Variants in ANXA4 observed in about 807,000 individuals in gnomAD.
The protein encoded by ANXA4 is annexin A4.
ANXA4 carries 39 observed loss-of-function variants against 49.8 expected under a neutral mutation model. That is an observed-to-expected ratio of 0.78 (90% CI 0.61 to 1.02). ANXA4 has a LOEUF of 1.02. ANXA4 is among the 50% of genes least tolerant of loss of function. The probability of loss-of-function intolerance (pLI) is 0.00; values close to 1 mark genes in which losing one functional copy is unlikely to be tolerated. For synonymous variants in ANXA4, 134 were observed against 152.5 expected (o/e 0.88, Z 0.89); for missense variants, 360 against 410.1 (o/e 0.88, Z 1.05).
intron 1 of ANXA4, among the ~76,000 whole-genome samples, chr2:69,775,290 T>G (rs963268662): frequency 5.3e-5 from 8 of 152,250 alleles, no homozygotes; most frequent in Non-Finnish European, 1.2e-4. Context: ...CCCAGCACTC[T>G]CTTTTAATTT....
intron 5 of ANXA4, among the ~76,000 whole-genome samples, chr2:69,807,267 A>G (rs1449247693): frequency 2.0e-5 from 3 of 152,150 alleles, no homozygotes; most frequent in Non-Finnish European, 2.9e-5. Flanking sequence ...CTTTTGAGAT[A>G]TGTAACTTTA....
chr2:69,757,266 A>ATATATATATT (rs1424932911), intron 1 of ANXA4, among the ~76,000 whole-genome samples: 1 of 27,644 alleles, frequency 3.6e-5, no homozygotes, highest in Non-Finnish European at 6.7e-5. Flanking sequence ...ATATATATAT[A>ATATATATATT]TTTTTTTTTT....
rs1673766568 is a variant in ANXA4, at chr2:69,812,809, G to A, written c.534+100G>A. 9 of 1,026,100 alleles carry A rather than the reference G, an allele frequency of 8.8e-6. No individual in the cohort carries two copies. In the South Asian group the frequency reaches 1.3e-4, roughly 14 times the overall value. 63.6% of individuals were successfully genotyped at this position (1,026,100 alleles called of 1,614,324 possible). A position where few individuals can be genotyped will look rare whatever the true frequency, so the allele number is the denominator to read the frequency against. On this transcript the variant is annotated intron_variant, in intron 8 of 12. Coordinates refer to ENST00000394295, the MANE Select transcript of ANXA4 (RefSeq NM_001153.5). ...GCAACTTATATTACAGTGTATATTAGCCAGGCTTGGATATGTTCTTTAAAA... is the reference window on the plus strand; with the variant it reads ...GCAACTTATATTACAGTGTATATTAACCAGGCTTGGATATGTTCTTTAAAA...
chr2:69,712,056 T>G (rs1678693473), intron 2 of ANXA4, among the ~76,000 whole-genome samples: 1 of 152,114 alleles, frequency 6.6e-6, no homozygotes, highest in African/African-American at 2.4e-5. Context: ...TCTTGGTCTC[T>G]CCTTTTCCTG....
At chr2:69,744,283 G>A (rs1670524813) in intron 1 of ANXA4, among the ~76,000 whole-genome samples, 2 of 152,068 alleles carry the variant, frequency 1.3e-5, no homozygotes, top group Admixed American at 1.3e-4. Flanking sequence ...CTGCAGCCTG[G>A]GTAATAGAGT....
chr2:69,661,697 CAGT>C (rs1471490225), intron 2 of ANXA4, among the ~76,000 whole-genome samples: 1 of 151,892 alleles, frequency 6.6e-6, no homozygotes, highest in African/African-American at 2.4e-5. Flanking sequence ...ACTTTCAAAC[CAGT>C]AGTAGGGAAA....
intron 3 of ANXA4, among the ~76,000 whole-genome samples, chr2:69,724,327 A>C (rs1314757912): frequency 6.6e-6 from 1 of 152,156 alleles, no homozygotes; most frequent in East Asian, 1.9e-4. Context: ...CAGGTTGTCT[A>C]CTGTACAAGA....
chr2:69,768,507 A>G (rs562981778), intron 1 of ANXA4, among the ~76,000 whole-genome samples: 81 of 152,280 alleles, frequency 5.3e-4, no homozygotes, highest in Middle Eastern at 3.4e-3. Context: ...ATGGCAGGTT[A>G]CTCTTAAACC....
chr2:69,669,068 C>G (rs1396808321), intron 2 of ANXA4, among the ~76,000 whole-genome samples: 1 of 151,690 alleles, frequency 6.6e-6, no homozygotes, highest in Non-Finnish European at 1.5e-5. Flanking sequence ...TCCCGAGTAG[C>G]TGGGATTACA....
chr2:69,730,665 AAG>A (rs1670073736), intron 3 of ANXA4, among the ~76,000 whole-genome samples: 1 of 152,294 alleles, frequency 6.6e-6, no homozygotes, highest in South Asian at 2.1e-4. Context: ...TTGGAGGTAA[AAG>A]AGAACCTACG....
At chr2:69,722,623 G>A (rs1050556662) in intron 3 of ANXA4, among the ~76,000 whole-genome samples, 1 of 152,024 alleles carries the variant, frequency 6.6e-6, no homozygotes, top group Non-Finnish European at 1.5e-5. Flanking sequence ...GGGGAGGTAG[G>A]AATGGGGATT....
At chr2:69,767,923 T>A (rs1352203642) in intron 1 of ANXA4, among the ~76,000 whole-genome samples, 2 of 152,044 alleles carry the variant, frequency 1.3e-5, no homozygotes, top group African/African-American at 4.8e-5. Flanking sequence ...TACATACTCT[T>A]TATATATATA....
chr2:69,771,094 CAAA>C lies in ANXA4; in HGVS notation c.-46-10414_-46-10412del, dbSNP rs1169928879. Among the ~76,000 whole-genome samples the C allele has an allele frequency of 9.4e-5, 4 of 42,420 alleles. No homozygotes were observed. The South Asian group carries it at 3.1e-3, about 33-fold the overall frequency. The allele number at this position is 42,420 out of a possible 152,430, so 27.8% of individuals were successfully genotyped here. ...GGGCAACAGGGCAAGACCCTGTCTC[CAAA>C]AAAAAAAAAAAGAAAAAAAAAAAAA... is the stretch of plus-strand genomic sequence containing the variant. On this transcript the variant is annotated intron_variant, in intron 1 of 12. Coordinates refer to ENST00000394295, the MANE Select transcript of ANXA4 (RefSeq NM_001153.5).
At chr2:69,801,292 G>A (rs1673183430) in intron 3 of ANXA4, among the ~76,000 whole-genome samples, 1 of 152,004 alleles carries the variant, frequency 6.6e-6, no homozygotes, top group South Asian at 2.1e-4. Context: ...TACGTTTGTA[G>A]CTTGATTTTT....
At chr2:69,703,209 T>C (rs1235214066) in intron 2 of ANXA4, among the ~76,000 whole-genome samples, 1 of 151,770 alleles carries the variant, frequency 6.6e-6, no homozygotes, top group Non-Finnish European at 1.5e-5. Flanking sequence ...GAACCCCCTA[T>C]GGACTCTTTC....
chr2:69,652,680 G>T (rs1017337904), intron 1 of ANXA4, among the ~76,000 whole-genome samples: 4 of 151,988 alleles, frequency 2.6e-5, no homozygotes, highest in Non-Finnish European at 5.9e-5. Context: ...CCAACAAAGC[G>T]AAAACCCGTC....
Position 69,809,903 on chromosome 2 carries a change from C to T in ANXA4, c.398-691C>T, listed in dbSNP as rs372724403. The stretch of plus-strand genomic sequence containing the variant: ...CCCACCTCAAAGCTGGGTTCAGAAG[C>T]TCCTATCTGGTTGCTTTCCATCAGT... On this transcript the variant is annotated intron_variant, in intron 6 of 12. Coordinates refer to ENST00000394295, the MANE Select transcript of ANXA4 (RefSeq NM_001153.5). 5.2e-5 allele frequency: 8 copies of T among 152,440 alleles called. No individual in the cohort carries two copies. The East Asian group carries it at 9.7e-4, about 18-fold the overall frequency. 9.4% of individuals were successfully genotyped at this position (152,440 alleles called of 1,614,324 possible). A position where few individuals can be genotyped will look rare whatever the true frequency, so the allele number is the denominator to read the frequency against.
At chr2:69,667,740 T>C (rs1165945378) in intron 2 of ANXA4, among the ~76,000 whole-genome samples, 1 of 152,236 alleles carries the variant, frequency 6.6e-6, no homozygotes, top group African/African-American at 2.4e-5. Context: ...ACCTGAAGAC[T>C]CATTTTTATT....
At position 69,818,713 on chromosome 2, in the gene ANXA4, T is replaced by C. The variant is rs772425427; in HGVS notation, c.724+19T>C. On this transcript the variant is annotated intron_variant, in intron 10 of 12. Transcript: ENST00000394295. ...GCTATAGGTAAGCTGGTAGGGGGAG[T>C]AGAGAAACAAATGTTTATAGATTTT... 145 of 1,493,576 alleles carry C rather than the reference T, an allele frequency of 9.7e-5. No homozygotes were observed. In the East Asian group the frequency reaches 3.0e-3, roughly 31 times the overall value. 92.5% of individuals were successfully genotyped at this position (1,493,576 alleles called of 1,614,324 possible).
Sources: gnomAD v4.1 joint callset for allele counts (sites outside exome capture counted in the v4.1 genomes callset) on GRCh38, gnomAD v4.1.1 for gene constraint, MANE v1.5 for transcripts, NCBI Gene and HGNC (gene_info 2026-07-23, HGNC 2026-07-21) for gene names.